The following ERBIN variants were observed in gnomAD, a reference collection of about 807,000 sequenced individuals.
ERBIN encodes the protein densin-180-like protein.
Under a neutral mutation model 158.4 loss-of-function variants are expected in ERBIN, and 60 were observed. The observed-to-expected ratio is 0.38, with a 90% confidence interval of 0.31 to 0.47. ERBIN has a LOEUF of 0.47. Ranked by LOEUF, ERBIN falls within the 20% of genes least tolerant of loss-of-function variation. The pLI is 0.99. For synonymous variants in ERBIN, 594 were observed against 557.2 expected, an observed-to-expected ratio of 1.07 and a Z score of -0.93; for missense variants, 1,610 against 1,648.0, an observed-to-expected ratio of 0.98 and a Z score of 0.40.
intron 19 of ERBIN, among the ~76,000 whole-genome samples, chr5:66,049,883 C>CT (rs1758844599): frequency 6.6e-6 from 1 of 152,088 alleles, no homozygotes; most frequent in South Asian, 2.1e-4. Flanking sequence ...CATGTAATTG[C>CT]TACACACACA....
At chr5:66,051,524 A>G (rs1416826613) in intron 20 of ERBIN, among the ~76,000 whole-genome samples, 2 of 152,126 alleles carry the variant, frequency 1.3e-5, no homozygotes, top group Non-Finnish European at 2.9e-5. Flanking sequence ...AAAAAGAAGA[A>G]ATTTGGTTAT....
chr5:66,053,606 T>A lies in ERBIN; in HGVS notation c.2288T>A (p.Ile763Asn). Residue 763 changes from isoleucine to asparagine, a missense_variant, in exon 21 of 26, where the codon ATC becomes AAC. Physicochemically the swap from Ile to Asn is moderately radical, Grantham distance 149 (BLOSUM62 -3). Around this residue, in one of 2 missense-constraint regions of ERBIN, gnomAD observed 1,014 missense variants for 936.1 expected, o/e 1.08. Transcript: ENST00000284037. ...GATGACACTCACAAATTAGATCATA[T>A]CAATATGAATCTTAATAAACTTATA... ...TADDTHKLDH[I>N]NMNLNKLITN... The A allele has an allele frequency of 1.2e-6, 2 of 1,610,220 alleles. No individual in the cohort carries two copies. Among genetic ancestry groups the A allele is most frequent in the Middle Eastern group, 1.7e-4 (1 of 6,022 alleles).
chr5:65,987,550 A>C (rs1206089016), intron 1 of ERBIN, among the ~76,000 whole-genome samples: 3 of 152,090 alleles, frequency 2.0e-5, no homozygotes, highest in Non-Finnish European at 4.4e-5. Flanking sequence ...TGACAGAGCA[A>C]GACCCTGTCT....
chr5:65,995,777 C>T lies in ERBIN; in HGVS notation c.307+913C>T, dbSNP rs1011912843. On this transcript the variant is annotated intron_variant, in intron 4 of 25. Transcript: ENST00000284037. ...TCCCTTTTCTCGACACCCTCATCAG[C>T]ACTTATCTTTAGTCTTTTTACTCAT... Among the ~76,000 whole-genome samples the T allele has an allele frequency of 3.9e-5, 6 of 152,258 alleles. No individual in the cohort carries two copies. In the East Asian group the frequency reaches 5.8e-4, roughly 15 times the overall value.
At chr5:65,964,824 C>T (rs1748349152) in intron 1 of ERBIN, among the ~76,000 whole-genome samples, 1 of 145,692 alleles carries the variant, frequency 6.9e-6, no homozygotes, top group South Asian at 2.2e-4. Flanking sequence ...CTCACTACAA[C>T]CTCTGCCTTC....
At chr5:65,975,407 G>A (rs1184972507) in intron 1 of ERBIN, among the ~76,000 whole-genome samples, 1 of 152,194 alleles carries the variant, frequency 6.6e-6, no homozygotes, top group South Asian at 2.1e-4. Context: ...CCAGGTTCAA[G>A]CGATTGTCTT....
intron 1 of ERBIN, among the ~76,000 whole-genome samples, chr5:65,928,795 G>C (rs1229502375): frequency 6.6e-6 from 1 of 152,074 alleles, no homozygotes; most frequent in African/African-American, 2.4e-5. Flanking sequence ...TTATACTATT[G>C]TGAAACTATA....
At chr5:65,982,938 G>T (rs1428411145) in intron 1 of ERBIN, among the ~76,000 whole-genome samples, 1 of 152,202 alleles carries the variant, frequency 6.6e-6, no homozygotes, top group African/African-American at 2.4e-5. Flanking sequence ...TGTGAACCTT[G>T]TAGGGTGATG....
intron 1 of ERBIN, among the ~76,000 whole-genome samples, chr5:65,929,604 T>A (rs931045383): frequency 1.3e-5 from 2 of 151,966 alleles, no homozygotes; most frequent in Non-Finnish European, 2.9e-5. Flanking sequence ...ACATCTCTAT[T>A]ATAAACCTCT....
At chr5:65,996,244 G>GTTTTTTTT (rs34947686) in intron 4 of ERBIN, among the ~76,000 whole-genome samples, 1 of 101,164 alleles carries the variant, frequency 9.9e-6, no homozygotes, top group African/African-American at 3.8e-5. Flanking sequence ...TTTCCTAGTA[G>GTTTTTTTT]TTTTTTTTTT....
chr5:65,977,423 G>T (rs1247513338), intron 1 of ERBIN, among the ~76,000 whole-genome samples: 2 of 150,416 alleles, frequency 1.3e-5, no homozygotes, highest in Non-Finnish European at 1.5e-5. Context: ...GGGCGGAGGG[G>T]CTCCTCACTT....
At chr5:66,028,067 A>G (rs1419475175) in intron 13 of ERBIN, among the ~76,000 whole-genome samples, 2 of 152,106 alleles carry the variant, frequency 1.3e-5, no homozygotes, top group African/African-American at 2.4e-5. Context: ...TTGAAGAATT[A>G]TATTTTTGAA....
In ERBIN at chr5:65,965,382, G is replaced by GTTTTTTTTTTTTTTTTT. The variant is rs200847060; in HGVS notation, c.-57-23228_-57-23212dup. ...GTTCTTACCAGATTTGTTTTTTGTT[G>GTTTTTTTTTTTTTTTTT]TTTTTTTTTTTTTTTTTTTTTTTTT... is the stretch of plus-strand genomic sequence containing the variant. On this transcript the variant is annotated intron_variant, in intron 1 of 25. Transcript: ENST00000284037. 2.9e-4 allele frequency among the ~76,000 whole-genome samples: 28 copies of GTTTTTTTTTTTTTTTTT among 96,056 alleles called. 1 individual carries two copies. The highest frequency in any genetic ancestry group is 4.1e-4 in the Non-Finnish European group (20 of 48,704). 63.0% of individuals were successfully genotyped at this position (96,056 alleles called of 152,430 possible). A position where few individuals can be genotyped will look rare whatever the true frequency, so the allele number is the denominator to read the frequency against.
chr5:66,018,372 T>G (rs1309414404), intron 7 of ERBIN, among the ~76,000 whole-genome samples: 1 of 127,350 alleles, frequency 7.9e-6, no homozygotes, highest in Non-Finnish European at 1.6e-5. Context: ...CTTGTATAGA[T>G]CTTTCACGTC....
chr5:65,927,669 G>C (rs1258848313), intron 1 of ERBIN, among the ~76,000 whole-genome samples: 1 of 152,176 alleles, frequency 6.6e-6, no homozygotes, highest in African/African-American at 2.4e-5. Flanking sequence ...GTGATAAAAA[G>C]CTGTGCTTTT....
chr5:66,004,688 C>T (rs1426274026), intron 4 of ERBIN, among the ~76,000 whole-genome samples: 2 of 152,216 alleles, frequency 1.3e-5, no homozygotes, highest in Non-Finnish European at 2.9e-5. Context: ...CATGCGTGAG[C>T]CACTGCACCC....
chr5:66,021,513 A>G (rs1755686968), intron 8 of ERBIN, 128 bp downstream of exon 8: 2 of 586,310 alleles, frequency 3.4e-6, no homozygotes, highest in Non-Finnish European at 5.6e-6. Flanking sequence ...CAAGATATGA[A>G]ATTTCTTAGC....
chr5:66,021,478 A>G, intron 8 of ERBIN, 93 bp downstream of exon 8: 1 of 952,254 alleles, frequency 1.1e-6, no homozygotes. Flanking sequence ...AAATTGGATA[A>G]AGGTTTACTT....
intron 2 of ERBIN, among the ~76,000 whole-genome samples, chr5:65,989,753 T>A (rs904796348): frequency 8.5e-5 from 13 of 152,232 alleles, no homozygotes; most frequent in Admixed American, 3.9e-4. Context: ...GCTGAATTTT[T>A]AATTTTATTT....
Sources: allele counts gnomAD v4.1 joint callset (sites outside exome capture counted in the v4.1 genomes callset), GRCh38; gene constraint gnomAD v4.1.1; regional missense constraint gnomAD v4.1.1; transcripts MANE v1.5; gene names NCBI Gene and HGNC (gene_info 2026-07-23, HGNC 2026-07-21).